PITPNM2: variants seen among roughly 807,000 people sequenced by gnomAD.
PITPNM2 encodes phosphatidylinositol transfer protein membrane associated 2.
PITPNM2 carries 35 observed loss-of-function variants against 132.2 expected under a neutral mutation model. The observed-to-expected ratio is 0.26, with a 90% CI of 0.20 to 0.35. The LOEUF is 0.35. Ranked by LOEUF, PITPNM2 falls within the 10% of genes least tolerant of loss-of-function variation. The probability of loss-of-function intolerance (pLI) is 1.00; values close to 1 mark genes in which losing one functional copy is unlikely to be tolerated. For synonymous variants in PITPNM2, 738 were observed against 799.2 expected, an observed-to-expected ratio of 0.92 and a Z score of 1.29; for missense variants, 1,332 against 1,912.0, an observed-to-expected ratio of 0.70 and a Z score of 5.66.
chr12:123,109,620 C>G (rs1267360199), intron 2 of PITPNM2, among the ~76,000 whole-genome samples: 1 of 152,222 alleles, frequency 6.6e-6, no homozygotes, highest in East Asian at 1.9e-4. Flanking sequence ...AGCCTCTGCT[C>G]TCTGCCAAAG....
At chr12:123,025,799 A>G (rs1566254539) in intron 3 of PITPNM2, among the ~76,000 whole-genome samples, 1 of 152,174 alleles carries the variant, frequency 6.6e-6, no homozygotes, top group Non-Finnish European at 1.5e-5. Context: ...CACCTCTTCC[A>G]GTAGCATCAT....
chr12:123,056,760 A>G (rs550095238), intron 2 of PITPNM2, among the ~76,000 whole-genome samples: 1 of 152,262 alleles, frequency 6.6e-6, no homozygotes, highest in South Asian at 2.1e-4. Flanking sequence ...GGCTCTCTCC[A>G]TACCCAGCCC....
chr12:123,103,169 G>A (rs1459358447), intron 2 of PITPNM2, among the ~76,000 whole-genome samples: 1 of 152,208 alleles, frequency 6.6e-6, no homozygotes, highest in Non-Finnish European at 1.5e-5. Context: ...CTGGTGGCAG[G>A]AGAAGTTGTT....
intron 3 of PITPNM2, among the ~76,000 whole-genome samples, chr12:123,017,657 T>A (rs770114361): frequency 2.6e-5 from 4 of 152,214 alleles, no homozygotes; most frequent in Non-Finnish European, 4.4e-5. Flanking sequence ...GGTCTATCCA[T>A]ACAATAATAG....
rs564470314 is a variant in PITPNM2, at chr12:123,017,328, T to C, written c.79-3286A>G. 1.5e-4 allele frequency among the ~76,000 whole-genome samples: 23 copies of C among 150,940 alleles called. 1 individual carries two copies. The South Asian group carries it at 4.0e-3, about 26-fold the overall frequency. On this transcript the variant is annotated intron_variant, in intron 3 of 25. Transcript: ENST00000320201. ...CAGAGGTCACAGTGAGCCGAGATTGTGCCACTGCACTCTAGCCTGGGTGAC... is the reference window on the plus strand; with the variant it reads ...CAGAGGTCACAGTGAGCCGAGATTGCGCCACTGCACTCTAGCCTGGGTGAC...
rs2042715878 is a variant in PITPNM2 at position 123,106,539 on chromosome 12, C to T, written c.-96+3846G>A. Among the ~76,000 whole-genome samples the T allele has an allele frequency of 6.6e-6, 1 of 152,234 alleles. No individual in the cohort carries two copies. The highest frequency in any genetic ancestry group is 1.5e-5 in the Non-Finnish European group (1 of 68,040). Reference sequence around the variant, plus strand: ...AGGAAGAAGAGGAGACTGAGAAGAGCCAGCAATTTCTGGCTAAAGCCCTGC... The same window carrying T: ...AGGAAGAAGAGGAGACTGAGAAGAGTCAGCAATTTCTGGCTAAAGCCCTGC... On this transcript the variant is annotated intron_variant, in intron 2 of 25. Coordinates refer to ENST00000320201, the MANE Select transcript of PITPNM2 (RefSeq NM_020845.3). This position sits in a 1 kb window ranked among gnomAD's most constrained non-coding sequence, Gnocchi z 4.4.
chr12:123,062,341 C>A (rs1322453963), intron 2 of PITPNM2, among the ~76,000 whole-genome samples: 2 of 152,146 alleles, frequency 1.3e-5, no homozygotes, highest in Non-Finnish European at 2.9e-5. Flanking sequence ...CTATGCCTGG[C>A]AACCAAGATG....
chr12:122,997,920 C>T (rs939211962), intron 10 of PITPNM2, among the ~76,000 whole-genome samples: 5 of 152,154 alleles, frequency 3.3e-5, no homozygotes, highest in African/African-American at 7.2e-5. Context: ...TCAGGGAGCC[C>T]GGGCAGTGGC....
chr12:123,120,696 A>T (rs565038988), intron 1 of PITPNM2, among the ~76,000 whole-genome samples: 3 of 152,186 alleles, frequency 2.0e-5, no homozygotes, highest in Non-Finnish European at 2.9e-5. Context: ...TTAGGGCAGG[A>T]TGGCTGTGCA....
At chr12:123,098,202 G>A (rs1369652020) in intron 2 of PITPNM2, among the ~76,000 whole-genome samples, 1 of 152,160 alleles carries the variant, frequency 6.6e-6, no homozygotes. Flanking sequence ...TGGGATGAGC[G>A]CTGGCCCACA....
At position 123,036,030 on chromosome 12, in the gene PITPNM2, T is replaced by C. The variant is rs1193568977; in HGVS notation, c.-95-1345A>G. Reference sequence around the variant, plus strand: ...CACGCCACCCACACCCGGCTAACGGTAGTATTTTAGCAAGACTACTCCAAG... The same window carrying C: ...CACGCCACCCACACCCGGCTAACGGCAGTATTTTAGCAAGACTACTCCAAG... On this transcript the variant is annotated intron_variant, in intron 2 of 25. Coordinates refer to ENST00000320201, the MANE Select transcript of PITPNM2 (RefSeq NM_020845.3). This position sits in a 1 kb window ranked among gnomAD's most constrained non-coding sequence, Gnocchi z 4.1. 6.6e-6 allele frequency among the ~76,000 whole-genome samples: 1 copy of C among 151,862 alleles called. No homozygotes were observed. The highest frequency in any genetic ancestry group is 2.4e-5 in the African/African-American group (1 of 41,292).
intron 2 of PITPNM2, among the ~76,000 whole-genome samples, chr12:123,053,185 C>T (rs955456271): frequency 5.3e-5 from 8 of 152,220 alleles, no homozygotes; most frequent in Admixed American, 2.0e-4. Context: ...TTGCCTGGCC[C>T]TTTTTAAACC....
intron 1 of PITPNM2, among the ~76,000 whole-genome samples, chr12:123,136,772 C>A (rs2043390847): frequency 1.3e-5 from 2 of 152,278 alleles, no homozygotes; most frequent in South Asian, 4.1e-4. Flanking sequence ...TGGCAGGCGC[C>A]TGTAGTCCCA....
chr12:123,064,705 A>G lies in PITPNM2; in HGVS notation c.-95-30020T>C, dbSNP rs1374239361. On this transcript the variant is annotated intron_variant, in intron 2 of 25. Coordinates refer to ENST00000320201, the MANE Select transcript of PITPNM2 (RefSeq NM_020845.3). This position sits in a 1 kb window ranked among gnomAD's most constrained non-coding sequence, Gnocchi z 4.0. ...CAAATACAACAGCAGGAACAGGAGAAAATCAGGGAAGGTTGTGGGGGTAAG... is the reference window on the plus strand; with the variant it reads ...CAAATACAACAGCAGGAACAGGAGAGAATCAGGGAAGGTTGTGGGGGTAAG... 6.6e-6 allele frequency among the ~76,000 whole-genome samples: 1 copy of G among 152,228 alleles called. No homozygotes were observed. The highest frequency in any genetic ancestry group is 2.4e-5 in the African/African-American group (1 of 41,454).
chr12:123,010,152 C>A, intron 5 of PITPNM2, 75 bp from the exon 6 acceptor site: 2 of 1,253,160 alleles, frequency 1.6e-6, no homozygotes, highest in Non-Finnish European at 1.1e-6. Flanking sequence ...TGTTCCTCCA[C>A]CCCCAAATCC....
chr12:123,151,464 T>C (rs1264177448), upstream of PITPNM2, among the ~76,000 whole-genome samples: 1 of 151,920 alleles, frequency 6.6e-6, no homozygotes, highest in Non-Finnish European at 1.5e-5. Flanking sequence ...AAAAATGAAG[T>C]TTCTTAGGAG....
intron 5 of PITPNM2, among the ~76,000 whole-genome samples, chr12:123,011,376 G>A (rs1009669552): frequency 1.3e-5 from 2 of 152,146 alleles, no homozygotes; most frequent in Admixed American, 6.5e-5. Context: ...CTGCCCATGT[G>A]AGCCGGCAAA....
intron 2 of PITPNM2, chr12:123,081,571 G>A (rs1451076974): frequency 6.6e-6 from 1 of 152,206 alleles, no homozygotes; most frequent in Non-Finnish European, 1.5e-5. Flanking sequence ...GCGTCAGGAT[G>A]AGAATCCAGA....
rs1164588628 is a variant in PITPNM2, at chr12:123,004,576, C to A, written c.953-87G>T. The A allele has an allele frequency of 7.9e-7, 1 of 1,259,712 alleles. No homozygotes were observed. Among genetic ancestry groups the A allele is most frequent in the Admixed American group, 1.8e-5 (1 of 55,334 alleles). 78.0% of individuals were successfully genotyped at this position (1,259,712 alleles called of 1,614,324 possible). On this transcript the variant is annotated intron_variant, in intron 7 of 25. Coordinates refer to ENST00000320201, the MANE Select transcript of PITPNM2 (RefSeq NM_020845.3). The surrounding 1 kb of genome is among the most constrained non-coding windows in gnomAD (Gnocchi z 4.9). ...AGCCGGCAGGAGGCAGGGAGGGCCACCCACAGGCCTGACAGGCATCACAGA... is the reference window on the plus strand; with the variant it reads ...AGCCGGCAGGAGGCAGGGAGGGCCAACCACAGGCCTGACAGGCATCACAGA...
Sources: gnomAD v4.1 joint callset for allele counts (sites outside exome capture counted in the v4.1 genomes callset) on GRCh38, gnomAD v4.1.1 for gene constraint, Gnocchi (gnomAD v3.1) non-coding constraint, MANE v1.5 for transcripts, NCBI Gene and HGNC (gene_info 2026-07-23, HGNC 2026-07-21) for gene names.